ARF4: variants seen among roughly 807,000 people sequenced by gnomAD.
ARF4 encodes the protein ADP-ribosylation factor 4.
In ARF4, 5 loss-of-function variants were observed where a neutral mutation model predicts 24.3. That is an observed-to-expected ratio of 0.21 (90% CI 0.11 to 0.43). The LOEUF is 0.43. ARF4 is among the 20% of genes least tolerant of loss of function. The pLI is 1.00. For synonymous variants in ARF4, 62 were observed against 73.5 expected (o/e 0.84, Z 0.80); for missense variants, 107 against 213.0 (o/e 0.50, Z 3.10).
intron 5 of ARF4, among the ~76,000 whole-genome samples, chr3:57,573,025 A>T (rs971568474): frequency 4.0e-5 from 6 of 151,356 alleles, no homozygotes; most frequent in Non-Finnish European, 7.4e-5. Flanking sequence ...ACGCAGTGAA[A>T]CCCTGTCTCT....
chr3:57,585,117 G>A (rs2070021221), intron 1 of ARF4, among the ~76,000 whole-genome samples: 1 of 152,094 alleles, frequency 6.6e-6, no homozygotes, highest in African/African-American at 2.4e-5. Context: ...GCCAGCCTGG[G>A]CCTGCCAATG....
intron 3 of ARF4, among the ~76,000 whole-genome samples, chr3:57,577,616 C>G (rs1001299668): frequency 1.1e-4 from 16 of 152,178 alleles, no homozygotes; most frequent in Non-Finnish European, 2.4e-4. Context: ...CAATTAATTA[C>G]TTTTCTCAAC....
chr3:57,591,773 T>G (rs117179796), intron 1 of ARF4, among the ~76,000 whole-genome samples: 1 of 152,226 alleles, frequency 6.6e-6, no homozygotes, highest in East Asian at 1.9e-4. Flanking sequence ...CCATTATGAA[T>G]GAACTTTGAC....
At chr3:57,584,187 T>G (rs1352481950) in intron 2 of ARF4, 180 bp from the exon 3 acceptor site, 1 of 702,960 alleles carries the variant, frequency 1.4e-6, no homozygotes, top group Non-Finnish European at 2.4e-6. Context: ...GGTCTTGAAC[T>G]CCTGGGCTCA....
intron 2 of ARF4, 127 bp from the exon 3 acceptor site, chr3:57,584,134 C>A: frequency 1.3e-6 from 1 of 749,124 alleles, no homozygotes; most frequent in South Asian, 1.9e-5. Context: ...ATATTTAAGC[C>A]TAAACATCAA....
intron 1 of ARF4, among the ~76,000 whole-genome samples, chr3:57,592,499 A>C (rs1669082406): frequency 6.6e-6 from 1 of 152,146 alleles, no homozygotes; most frequent in Non-Finnish European, 1.5e-5. Context: ...AATATTTTTT[A>C]TCAAATTCAT....
intron 1 of ARF4, among the ~76,000 whole-genome samples, chr3:57,589,135 C>A (rs2070073659): frequency 1.3e-5 from 2 of 151,522 alleles, no homozygotes; most frequent in Non-Finnish European, 2.9e-5. Context: ...GTTGTGATGG[C>A]ACATGCCTGT....
At chr3:57,587,924 G>C in intron 1 of ARF4, among the ~76,000 whole-genome samples, 1 of 151,990 alleles carries the variant, frequency 6.6e-6, no homozygotes, top group Non-Finnish European at 1.5e-5. Flanking sequence ...TTTTGAAAAA[G>C]GTATTTATAA....
At position 57,590,071 on chromosome 3, in the gene ARF4, C is replaced by T. The variant is rs149453430; in HGVS notation, c.68-5607G>A. On this transcript the variant is annotated intron_variant, in intron 1 of 5. Coordinates refer to ENST00000303436, the MANE Select transcript of ARF4 (RefSeq NM_001660.4). ...TGCCACTGCACTCCAGCCTGGGCAA[C>T]AGACCAAGACTCTGTCTCAATAAAT... is the stretch of plus-strand genomic sequence containing the variant. Among the ~76,000 whole-genome samples the T allele has an allele frequency of 8.0e-5, 12 of 149,486 alleles. No homozygotes were observed. The Admixed American group carries it at 8.1e-4, about 10-fold the overall frequency.
rs1308840767 is a variant in ARF4, at chr3:57,575,685, A to G, written c.331-12T>C. ...TCATCTACCAGAAGCTGGAAATAAAAGGTAAGGCATTAACAACTACCAACC... is the reference window on the plus strand; with the variant it reads ...TCATCTACCAGAAGCTGGAAATAAAGGGTAAGGCATTAACAACTACCAACC... On this transcript the variant is annotated splice_polypyrimidine_tract_variant and intron_variant, in intron 4 of 5. Coordinates refer to ENST00000303436, the MANE Select transcript of ARF4 (RefSeq NM_001660.4). 6.2e-7 allele frequency: 1 copy of G among 1,603,898 alleles called. No homozygotes were observed. Among genetic ancestry groups the G allele is most frequent in the East Asian group, 2.2e-5 (1 of 44,576 alleles).
At chr3:57,585,665 CTTT>C (rs10651218) in intron 1 of ARF4, among the ~76,000 whole-genome samples, 1 of 137,076 alleles carries the variant, frequency 7.3e-6, no homozygotes, top group Non-Finnish European at 1.5e-5. Flanking sequence ...TATCTAAATT[CTTT>C]TTTTTTTTTT....
rs566198253 is a variant in ARF4 at position 57,579,003 on chromosome 3, T to C, written c.259-1616A>G. Among the ~76,000 whole-genome samples, 8 of 152,214 alleles carry C rather than the reference T, an allele frequency of 5.3e-5. 1 individual carries two copies. The South Asian group carries it at 1.5e-3, about 28-fold the overall frequency. On this transcript the variant is annotated intron_variant, in intron 3 of 5. Transcript: ENST00000303436. ...CAGATTGTCTTGCACTACTGATTTA[T>C]GTAAGTAACGAGGCTGGTTGAGGTG...
chr3:57,574,478 C>T (rs2069879921), intron 5 of ARF4, among the ~76,000 whole-genome samples: 1 of 150,400 alleles, frequency 6.6e-6, no homozygotes, highest in African/African-American at 2.4e-5. Context: ...GGCACAATCA[C>T]AGCTCTCTGC....
chr3:57,596,167 C>A (rs1014256352), intron 1 of ARF4, among the ~76,000 whole-genome samples: 8 of 151,890 alleles, frequency 5.3e-5, no homozygotes, highest in African/African-American at 1.9e-4. Context: ...AAAAACACGC[C>A]CCCTAAAAAG....
rs2153408216 is a variant in ARF4 at position 57,572,308 on chromosome 3, G to A, written c.457-10C>T. On this transcript the variant is annotated splice_polypyrimidine_tract_variant and intron_variant, in intron 5 of 5. Coordinates refer to ENST00000303436, the MANE Select transcript of ARF4 (RefSeq NM_001660.4). ...TGGCTTGAACATACCACTGTAAAGAGAAGACAAGAAAATACTTGATTAACA... is the reference window on the plus strand; with the variant it reads ...TGGCTTGAACATACCACTGTAAAGAAAAGACAAGAAAATACTTGATTAACA... 6.3e-7 allele frequency: 1 copy of A among 1,598,796 alleles called. No homozygotes were observed. The highest frequency in any genetic ancestry group is 8.6e-7 in the Non-Finnish European group (1 of 1,167,604).
Position 57,597,239 on chromosome 3 carries a change from G to C in ARF4, c.-99C>G, listed in dbSNP as rs1395103515. ...CCCAGGCAAACTAAACGAGAGGGAA[G>C]AGAAAGAGCGGAGGAAGAAAGAGGG... On this transcript the variant is annotated 5_prime_UTR_variant, in exon 1 of 6. Transcript: ENST00000303436. 1.7e-6 allele frequency: 2 copies of C among 1,184,898 alleles called. No individual in the cohort carries two copies. The highest frequency in any genetic ancestry group is 1.5e-5 in the African/African-American group (1 of 65,608). 73.4% of individuals were successfully genotyped at this position (1,184,898 alleles called of 1,614,324 possible).
chr3:57,587,664 T>C (rs1245506094), intron 1 of ARF4, among the ~76,000 whole-genome samples: 6 of 152,132 alleles, frequency 3.9e-5, no homozygotes. Flanking sequence ...GGGCTTTAAA[T>C]ATATAATATT....
At chr3:57,594,507 ACTGTG>A (rs1289458981) in intron 1 of ARF4, among the ~76,000 whole-genome samples, 2 of 152,248 alleles carry the variant, frequency 1.3e-5, no homozygotes, top group African/African-American at 4.8e-5. Flanking sequence ...AATTTGATAC[ACTGTG>A]TTGGTTTTTT....
intron 1 of ARF4, among the ~76,000 whole-genome samples, chr3:57,585,594 A>G (rs1242643225): frequency 1.3e-5 from 2 of 152,024 alleles, no homozygotes; most frequent in Non-Finnish European, 2.9e-5. Context: ...GTGCACATGT[A>G]CCCTAGAACT....
Sources: allele counts gnomAD v4.1 joint callset (sites outside exome capture counted in the v4.1 genomes callset), GRCh38; gene constraint gnomAD v4.1.1; transcripts MANE v1.5; gene names NCBI Gene and HGNC (gene_info 2026-07-23, HGNC 2026-07-21).